DNAJC1: variants seen among roughly 807,000 people sequenced by gnomAD.
DNAJC1 encodes the protein dnaJ homolog subfamily C member 1.
A neutral mutation model predicts 76.6 loss-of-function variants in DNAJC1; 58 were observed. That is an observed-to-expected ratio of 0.76 (90% CI 0.61 to 0.94). The LOEUF (loss-of-function observed/expected upper bound fraction) is 0.94, where lower values mean the gene tolerates loss of function less well. Among genes scored for constraint, DNAJC1 ranks in the 40% least tolerant of loss-of-function variants. The pLI is 0.00. For synonymous variants in DNAJC1, 258 were observed against 267.9 expected (o/e 0.96, Z 0.36); for missense variants, 689 against 677.3 (o/e 1.02, Z -0.19).
intron 8 of DNAJC1, among the ~76,000 whole-genome samples, chr10:21,825,073 G>C (rs767145998): frequency 6.6e-6 from 1 of 152,020 alleles, no homozygotes; most frequent in Non-Finnish European, 1.5e-5. Flanking sequence ...TGCCACGCCC[G>C]GCCAACTATT....
intron 10 of DNAJC1, among the ~76,000 whole-genome samples, chr10:21,762,650 C>A (rs1351134898): frequency 6.6e-6 from 1 of 152,156 alleles, no homozygotes; most frequent in Admixed American, 6.5e-5. Context: ...TGCTCTGTCA[C>A]CCAGGCTGGA....
intron 9 of DNAJC1, among the ~76,000 whole-genome samples, chr10:21,779,135 G>C (rs894592001): frequency 2.0e-5 from 3 of 152,202 alleles, no homozygotes; most frequent in African/African-American, 4.8e-5. Context: ...AGCTCAAGGA[G>C]GCCTGCCTGC....
chr10:21,902,909 T>C (rs896437776), intron 7 of DNAJC1, among the ~76,000 whole-genome samples: 1 of 152,110 alleles, frequency 6.6e-6, no homozygotes, highest in Non-Finnish European at 1.5e-5. Context: ...AGGTAAATTT[T>C]GGACTAATTT....
At chr10:21,896,218 C>G (rs1231978761) in intron 7 of DNAJC1, among the ~76,000 whole-genome samples, 1 of 152,154 alleles carries the variant, frequency 6.6e-6, no homozygotes, top group Non-Finnish European at 1.5e-5. Context: ...GCAACTTCAG[C>G]CTGGGAGAGC....
rs761072286 is a variant in DNAJC1 at position 21,919,949 on chromosome 10, T to C, written c.538-20A>G. 1 of 1,478,908 alleles carries C rather than the reference T, an allele frequency of 6.8e-7. No individual in the cohort carries two copies. The highest frequency in any genetic ancestry group is 9.3e-7 in the Non-Finnish European group (1 of 1,076,732). 91.6% of individuals were successfully genotyped at this position (1,478,908 alleles called of 1,614,324 possible). On this transcript the variant is annotated intron_variant, in intron 4 of 11. Coordinates refer to ENST00000376980, the MANE Select transcript of DNAJC1 (RefSeq NM_022365.4). ...TTCATCCTTAATGTGGAAAGAATTA[T>C]GGTTACAGGTTATCATTAACATGTA...
At chr10:21,766,956 T>A (rs1435607124) in intron 9 of DNAJC1, among the ~76,000 whole-genome samples, 2 of 133,198 alleles carry the variant, frequency 1.5e-5, no homozygotes, top group Admixed American at 8.7e-5. Flanking sequence ...GGCATCGGAG[T>A]GAGACCCTGC....
At chr10:21,956,500 G>A (rs1837685378) in intron 1 of DNAJC1, among the ~76,000 whole-genome samples, 1 of 151,598 alleles carries the variant, frequency 6.6e-6, no homozygotes, top group African/African-American at 2.4e-5. Context: ...ATTTTCAAGA[G>A]TGCTGCTTAT....
At chr10:21,997,454 G>A (rs1485854039) in intron 1 of DNAJC1, among the ~76,000 whole-genome samples, 2 of 152,284 alleles carry the variant, frequency 1.3e-5, no homozygotes, top group East Asian at 3.9e-4. Flanking sequence ...TACTGGTCTG[G>A]GCAGAGAGGT....
At chr10:21,862,286 G>C (rs1835928599) in intron 8 of DNAJC1, among the ~76,000 whole-genome samples, 1 of 152,014 alleles carries the variant, frequency 6.6e-6, no homozygotes, top group Non-Finnish European at 1.5e-5. Flanking sequence ...TGTTGTGTGA[G>C]ATTCAAGAAC....
intron 8 of DNAJC1, among the ~76,000 whole-genome samples, chr10:21,856,922 G>A (rs1339036701): frequency 6.6e-6 from 1 of 151,988 alleles, no homozygotes; most frequent in Non-Finnish European, 1.5e-5. Context: ...TTTTAGTAGA[G>A]ATGGGGTTTC....
At chr10:21,770,625 C>T (rs1293752910) in intron 9 of DNAJC1, among the ~76,000 whole-genome samples, 1 of 152,124 alleles carries the variant, frequency 6.6e-6, no homozygotes, top group East Asian at 1.9e-4. Context: ...TCTCAAACTC[C>T]TGACCTGAGG....
intron 8 of DNAJC1, among the ~76,000 whole-genome samples, chr10:21,855,012 A>C (rs1279304565): frequency 6.6e-6 from 1 of 152,190 alleles, no homozygotes; most frequent in Non-Finnish European, 1.5e-5. Flanking sequence ...TGCTGATAAA[A>C]ATCTACTTTA....
intron 1 of DNAJC1, among the ~76,000 whole-genome samples, chr10:21,996,981 G>A (rs1261314529): frequency 6.6e-6 from 1 of 152,102 alleles, no homozygotes; most frequent in Non-Finnish European, 1.5e-5. Flanking sequence ...TAGATTCTGT[G>A]TATCTCTTTC....
chr10:21,986,777 T>G (rs919372363), intron 1 of DNAJC1, among the ~76,000 whole-genome samples: 3 of 152,056 alleles, frequency 2.0e-5, no homozygotes, highest in Admixed American at 1.3e-4. Flanking sequence ...TTTTTTGTTT[T>G]TTTTCTTGAG....
chr10:21,803,730 G>T, intron 9 of DNAJC1: 3 of 630,730 alleles, frequency 4.8e-6, no homozygotes, highest in Non-Finnish European at 5.9e-6. Context: ...TGAAAATGCA[G>T]TGTGGGTCTA....
chr10:21,774,338 T>C (rs1834427400), intron 9 of DNAJC1, among the ~76,000 whole-genome samples: 1 of 152,152 alleles, frequency 6.6e-6, no homozygotes, highest in South Asian at 2.1e-4. Context: ...AAACTTTTCA[T>C]TTGAGGTCAA....
chr10:21,759,313 G>A lies in DNAJC1; in HGVS notation c.1453C>T (p.Leu485=). Residue 485 remains leucine, a synonymous_variant, in exon 11 of 12, where the codon CTG becomes TTG. Transcript: ENST00000376980. ...GCAGACCGAGCTCTCTCTTTTCTCA[G>A]GCTCTCCTCGTCGCTGGACTCGTTT... The part of the protein sequence containing the change: ...EQNESSDEES[L]RKERARSAEE... 6.2e-7 allele frequency: 1 copy of A among 1,614,202 alleles called. No individual in the cohort carries two copies. Among genetic ancestry groups the A allele is most frequent in the Non-Finnish European group, 8.5e-7 (1 of 1,180,038 alleles).
At chr10:21,798,114 C>T (rs1834769085) in intron 9 of DNAJC1, among the ~76,000 whole-genome samples, 1 of 152,202 alleles carries the variant, frequency 6.6e-6, no homozygotes, top group Non-Finnish European at 1.5e-5. Context: ...CACAGTTCTT[C>T]TGAAGGTTAC....
intron 9 of DNAJC1, among the ~76,000 whole-genome samples, chr10:21,776,422 A>G (rs1371136171): frequency 6.6e-6 from 1 of 152,184 alleles, no homozygotes; most frequent in East Asian, 1.9e-4. Flanking sequence ...CTCTAGTAAC[A>G]AAAATTATGT....
Sources: gnomAD v4.1 joint callset for allele counts (sites outside exome capture counted in the v4.1 genomes callset) on GRCh38, gnomAD v4.1.1 for gene constraint, MANE v1.5 for transcripts, NCBI Gene and HGNC (gene_info 2026-07-23, HGNC 2026-07-21) for gene names.